Variants in ITGA11 observed in about 807,000 individuals in gnomAD.
ITGA11 encodes the protein integrin alpha-11.
A neutral mutation model predicts 141.9 loss-of-function variants in ITGA11; 97 were observed. The observed-to-expected ratio is 0.68, with a 90% CI of 0.58 to 0.81. The LOEUF (loss-of-function observed/expected upper bound fraction) is 0.81. Ranked by LOEUF, ITGA11 falls within the 30% of genes least tolerant of loss-of-function variation. The pLI, the probability that ITGA11 is intolerant of heterozygous loss-of-function variation, is 0.00. For missense variants in ITGA11, 1,387 were observed against 1,559.2 expected (o/e 0.89, Z 1.86); for synonymous variants, 658 against 624.6 (o/e 1.05, Z -0.80).
chr15:68,313,001 T>C, intron 23 of ITGA11, 138 bp from the exon 24 acceptor site: 1 of 624,526 alleles, frequency 1.6e-6, no homozygotes, highest in Non-Finnish European at 2.9e-6. Flanking sequence ...CGGCTGGGAG[T>C]GAGTGTCATG....
In ITGA11 at chr15:68,367,514, T is replaced by C. The variant is rs79368203; in HGVS notation, c.265+1670A>G. Among the ~76,000 whole-genome samples, 1,263 of 152,286 alleles carry C rather than the reference T, an allele frequency of 8.3e-3. 24 individuals are homozygous for C. Among genetic ancestry groups the C allele is most frequent in the African/African-American group, 0.029 (1,221 of 41,550 alleles). Reference sequence around the variant, plus strand: ...CTCAGAGAAGCCTTCCCTGATCACCTTCTATGGTAGAAATCCCTCTCCACT... The same window carrying C: ...CTCAGAGAAGCCTTCCCTGATCACCCTCTATGGTAGAAATCCCTCTCCACT... On this transcript the variant is annotated intron_variant, in intron 3 of 29. Coordinates refer to ENST00000315757, the MANE Select transcript of ITGA11 (RefSeq NM_001004439.2).
intron 24 of ITGA11, 31 bp downstream of exon 24, chr15:68,312,741 TC>T: frequency 6.6e-7 from 1 of 1,513,822 alleles, no homozygotes; most frequent in Non-Finnish European, 9.1e-7. Context: ...ATCCCGTCCT[TC>T]CCCCTCTACC....
At chr15:68,318,747 G>C (rs1212836177) in intron 20 of ITGA11, among the ~76,000 whole-genome samples, 3 of 152,086 alleles carry the variant, frequency 2.0e-5, no homozygotes, top group Non-Finnish European at 4.4e-5. Flanking sequence ...ACTTGGGGAG[G>C]GGTGCTGGGC....
chr15:68,330,753 G>A (rs1201350028), intron 15 of ITGA11, among the ~76,000 whole-genome samples: 1 of 152,146 alleles, frequency 6.6e-6, no homozygotes. Context: ...ATAACTTTTA[G>A]GACAAATTCT....
At chr15:68,341,289 A>G (rs1894560950) in intron 10 of ITGA11, among the ~76,000 whole-genome samples, 1 of 152,236 alleles carries the variant, frequency 6.6e-6, no homozygotes, top group African/African-American at 2.4e-5. Context: ...GACAGGAGCC[A>G]GGAACTCATA....
chr15:68,355,414 G>A (rs888514206), intron 7 of ITGA11, among the ~76,000 whole-genome samples: 3 of 152,156 alleles, frequency 2.0e-5, no homozygotes, highest in South Asian at 2.1e-4. Context: ...TTGAGCCTAC[G>A]AATTCACAAT....
In ITGA11 at chr15:68,402,963, A is replaced by G. The variant is rs753014856; in HGVS notation, c.119T>C (p.Phe40Ser). ...GTGCTGCTGCACTGTGTAGCCAAAGAAGGCGGTCCTGGAGCCAGGGATGAC... is the reference window on the plus strand; with the variant it reads ...GTGCTGCTGCACTGTGTAGCCAAAGGAGGCGGTCCTGGAGCCAGGGATGAC... Reference protein sequence around the residue: ...PRVIPGSRTAFFGYTVQQHDI... With the variant: ...PRVIPGSRTASFGYTVQQHDI... Residue 40 changes from phenylalanine to serine, a missense_variant, in exon 2 of 30, where the codon TTC (phenylalanine) becomes TCC (serine). Coordinates refer to ENST00000315757, the MANE Select transcript of ITGA11 (RefSeq NM_001004439.2). The G allele has an allele frequency of 1.2e-6, 2 of 1,613,788 alleles. No homozygotes were observed. The highest frequency in any genetic ancestry group is 3.3e-5 in the Admixed American group (2 of 60,000).
At chr15:68,405,897 T>C (rs1229177781) in intron 1 of ITGA11, among the ~76,000 whole-genome samples, 1 of 152,008 alleles carries the variant, frequency 6.6e-6, no homozygotes, top group South Asian at 2.1e-4. Context: ...CAGATATACA[T>C]GTATGCACGC....
intron 2 of ITGA11, among the ~76,000 whole-genome samples, chr15:68,387,249 C>T (rs1327007398): frequency 1.3e-5 from 2 of 152,138 alleles, no homozygotes; most frequent in Non-Finnish European, 2.9e-5. Context: ...CACTTCACCT[C>T]CAGCCCCATC....
intron 10 of ITGA11, among the ~76,000 whole-genome samples, chr15:68,347,595 T>C (rs1182639485): frequency 6.6e-6 from 1 of 152,004 alleles, no homozygotes; most frequent in East Asian, 1.9e-4. Context: ...CACGCACATG[T>C]CCCCCTCCCC....
chr15:68,319,361 C>T (rs1893712911), intron 20 of ITGA11, among the ~76,000 whole-genome samples: 1 of 152,252 alleles, frequency 6.6e-6, no homozygotes, highest in African/African-American at 2.4e-5. Context: ...TAGCACAGCG[C>T]TGGACGCCGT....
chr15:68,319,552 T>C (rs911363080), intron 20 of ITGA11, among the ~76,000 whole-genome samples: 1 of 152,130 alleles, frequency 6.6e-6, no homozygotes, highest in Non-Finnish European at 1.5e-5. Context: ...AATGCCACAA[T>C]GAGGAGCCTG....
chr15:68,382,206 G>A (rs922168467), intron 2 of ITGA11, among the ~76,000 whole-genome samples: 1 of 152,222 alleles, frequency 6.6e-6, no homozygotes, highest in African/African-American at 2.4e-5. Flanking sequence ...AGGGTGAAGT[G>A]TGTCATTACA....
At chr15:68,431,200 C>A (rs913267259) in intron 1 of ITGA11, among the ~76,000 whole-genome samples, 8 of 152,342 alleles carry the variant, frequency 5.3e-5, no homozygotes, top group Middle Eastern at 6.8e-3. Context: ...GCTGGCTTCC[C>A]GCTCCCAGCC....
rs1381772163 is a variant in ITGA11 at position 68,351,366 on chromosome 15, G to C, written c.786C>G (p.Ala262=). ...CTGTGATGACAATCATCACCTTCTT[G>C]GCTCCTTTCCTTCCACCCTTCTGGA... The part of the protein sequence containing the change: ...EAFQKGGRKG[A]KKVMIVITDG... The change falls in exon 8 of 30, where the codon GCC becomes GCG. Residue 262 remains alanine, a synonymous_variant. Transcript: ENST00000315757. The C allele has an allele frequency of 6.2e-7, 1 of 1,613,938 alleles. No individual in the cohort carries two copies. Among genetic ancestry groups the C allele is most frequent in the Non-Finnish European group, 8.5e-7 (1 of 1,179,876 alleles).
intron 26 of ITGA11, among the ~76,000 whole-genome samples, chr15:68,309,623 C>G (rs966852514): frequency 5.2e-5 from 6 of 114,582 alleles, no homozygotes; most frequent in African/African-American, 2.1e-4. Context: ...GAGACAGAGT[C>G]TTGCTCTGTT....
At position 68,364,857 on chromosome 15, in the gene ITGA11, C is replaced by G. The variant is rs1002031264; in HGVS notation, c.266-59G>C. On this transcript the variant is annotated intron_variant, in intron 3 of 29. Coordinates refer to ENST00000315757, the MANE Select transcript of ITGA11 (RefSeq NM_001004439.2). Reference sequence around the variant, plus strand: ...CCTCCTGCCCGCCCTCTGCCCAGAGCCTGCTGCTGGTCTGGTCACCCGAGG... The same window carrying G: ...CCTCCTGCCCGCCCTCTGCCCAGAGGCTGCTGCTGGTCTGGTCACCCGAGG... 11 of 1,515,392 alleles carry G rather than the reference C, an allele frequency of 7.3e-6. No individual in the cohort carries two copies. The East Asian group carries it at 2.5e-4, about 34-fold the overall frequency. The allele number at this position is 1,515,392 out of a possible 1,614,324, so 93.9% of individuals were successfully genotyped here. A position where few individuals can be genotyped will look rare whatever the true frequency, so the allele number is the denominator to read the frequency against.
At chr15:68,331,242 A>G in intron 14 of ITGA11, 131 bp from the exon 15 acceptor site, 2 of 748,176 alleles carry the variant, frequency 2.7e-6, no homozygotes, top group East Asian at 2.7e-5. Flanking sequence ...CCCCAACCCA[A>G]AGCAATCTCC....
intron 1 of ITGA11, among the ~76,000 whole-genome samples, chr15:68,407,132 G>A (rs1236698275): frequency 2.6e-5 from 4 of 152,168 alleles, no homozygotes; most frequent in African/African-American, 7.2e-5. Flanking sequence ...CTCTGCCTTT[G>A]GGTTCCAGCA....
Sources: gnomAD v4.1 joint callset for allele counts (sites outside exome capture counted in the v4.1 genomes callset) on GRCh38, gnomAD v4.1.1 for gene constraint, MANE v1.5 for transcripts, NCBI Gene and HGNC (gene_info 2026-07-23, HGNC 2026-07-21) for gene names.